SPATA7: variants seen among roughly 807,000 people sequenced by gnomAD.
SPATA7 encodes spermatogenesis-associated protein 7.
SPATA7 carries 43 observed loss-of-function variants against 51.8 expected under a neutral mutation model. That is an observed-to-expected ratio of 0.83 (90% CI 0.65 to 1.07). SPATA7 has a LOEUF of 1.07. Ranked by LOEUF, SPATA7 falls within the 50% of genes least tolerant of loss-of-function variation. The pLI, the probability that SPATA7 is intolerant of heterozygous loss-of-function variation, is 0.00. For synonymous variants in SPATA7, 230 were observed against 252.8 expected (o/e 0.91, Z 0.86); for missense variants, 683 against 701.3 (o/e 0.97, Z 0.30).
downstream of SPATA7, among the ~76,000 whole-genome samples, chr14:88,455,511 A>AGACC (rs1303331171): frequency 6.6e-6 from 1 of 152,234 alleles, no homozygotes; most frequent in Non-Finnish European, 1.5e-5. Flanking sequence ...TGGCAAAAAT[A>AGACC]GACCATATAT....
At chr14:88,425,760 A>G (rs1397708376) in intron 5 of SPATA7, among the ~76,000 whole-genome samples, 1 of 152,154 alleles carries the variant, frequency 6.6e-6, no homozygotes, top group African/African-American at 2.4e-5. Context: ...AGGGCTCCAT[A>G]CATTATGAGG....
intron 3 of SPATA7, 148 bp downstream of exon 3, chr14:88,393,636 T>A: frequency 1.6e-6 from 1 of 619,402 alleles, no homozygotes; most frequent in Non-Finnish European, 2.8e-6. Context: ...AACTATTGAC[T>A]CTAGGTACTT....
At chr14:88,448,239 CT>C (rs2077227634) in intron 3 of SPATA7, among the ~76,000 whole-genome samples, 1 of 152,148 alleles carries the variant, frequency 6.6e-6, no homozygotes. Context: ...TTCATTTCAT[CT>C]TCCATCGCTG....
At chr14:88,457,633 C>T (rs879941211), downstream of SPATA7, among the ~76,000 whole-genome samples, 30 of 152,204 alleles carry the variant, frequency 2.0e-4, no homozygotes, top group East Asian at 4.1e-3. Flanking sequence ...TGGGCTGAGA[C>T]GATGGGGTTT....
At chr14:88,424,140 C>G (rs893414909) in intron 5 of SPATA7, among the ~76,000 whole-genome samples, 34 of 152,086 alleles carry the variant, frequency 2.2e-4, no homozygotes, top group Admixed American at 1.8e-3. Flanking sequence ...ATTGATGAAC[C>G]CTTTTCTGAT....
chr14:88,468,145 G>A (rs1256870182), intron 4 of SPATA7: 10 of 1,613,998 alleles, frequency 6.2e-6, no homozygotes, highest in Non-Finnish European at 7.6e-6. Flanking sequence ...GCTTAGATGA[G>A]CCTGGAGCTT....
chr14:88,413,793 A>G (rs918123002), intron 4 of SPATA7, among the ~76,000 whole-genome samples: 1 of 151,640 alleles, frequency 6.6e-6, no homozygotes, highest in South Asian at 2.1e-4. Flanking sequence ...GGTTTTTGCT[A>G]CATCTGTTGA....
chr14:88,397,768 C>G (rs547006624), intron 4 of SPATA7, among the ~76,000 whole-genome samples: 2 of 152,028 alleles, frequency 1.3e-5, no homozygotes, highest in Non-Finnish European at 1.5e-5. Flanking sequence ...ATTTGAAAAC[C>G]CTGTTTAAAA....
chr14:88,413,357 T>G (rs77889806), intron 4 of SPATA7, among the ~76,000 whole-genome samples: 1 of 152,218 alleles, frequency 6.6e-6, no homozygotes. Flanking sequence ...TTGAATATCA[T>G]TGGTGTATAG....
Position 88,469,115 on chromosome 14 carries a change from C to G in SPATA7, c.255-732C>G. 6.4e-7 allele frequency: 1 copy of G among 1,572,458 alleles called. No individual in the cohort carries two copies. Among genetic ancestry groups the G allele is most frequent in the Non-Finnish European group, 8.7e-7 (1 of 1,151,558 alleles). On this transcript the variant is annotated intron_variant, in intron 4 of 4. Coordinates refer to the SPATA7 transcript ENST00000556406. The surrounding 1 kb of genome is among the most constrained non-coding windows in gnomAD (Gnocchi z 4.3). ...ATGAAATAGAAAAGTACTCAAGGAT[C>G]AAGGCGTATCACATTGTTGACTCAA...
At chr14:88,430,315 C>G (rs1254204138) in intron 8 of SPATA7, among the ~76,000 whole-genome samples, 1 of 152,070 alleles carries the variant, frequency 6.6e-6, no homozygotes, top group African/African-American at 2.4e-5. Context: ...ACTACCCTGT[C>G]TTTGAAATTT....
chr14:88,417,313 T>TA (rs2076509797), intron 5 of SPATA7, among the ~76,000 whole-genome samples: 1 of 143,762 alleles, frequency 7.0e-6, no homozygotes, highest in African/African-American at 2.7e-5. Flanking sequence ...GGTTTTTTTT[T>TA]TTTTATATAT....
chr14:88,437,914 A>ATT lies in SPATA7; in HGVS notation c.1293_1294insTT (p.Asp432LeufsTer6). The ATT allele has an allele frequency of 6.2e-7, 1 of 1,612,150 alleles. No individual in the cohort carries two copies. The highest frequency in any genetic ancestry group is 8.5e-7 in the Non-Finnish European group (1 of 1,178,864). On this transcript the variant is annotated frameshift_variant, in exon 12 of 12. Coordinates refer to ENST00000393545, the MANE Select transcript of SPATA7 (RefSeq NM_018418.5). LOFTEE classifies it low-confidence loss of function (END_TRUNC). ...TCGGAGGAAAACTCGGTAAAGCAAA[A>ATT]TGATGTTGATATGTTGAATGTATTT... is the stretch of plus-strand genomic sequence containing the variant.
intron 5 of SPATA7, among the ~76,000 whole-genome samples, chr14:88,425,862 A>G (rs1191987147): frequency 6.6e-6 from 1 of 152,182 alleles, no homozygotes; most frequent in Non-Finnish European, 1.5e-5. Flanking sequence ...GACAGTGAGG[A>G]TGATGTCACT....
chr14:88,391,104 A>T (rs2075732154), intron 1 of SPATA7, among the ~76,000 whole-genome samples: 1 of 152,154 alleles, frequency 6.6e-6, no homozygotes, highest in African/African-American at 2.4e-5. Context: ...TCCTTGTTAT[A>T]GCTTTTAACA....
intron 4 of SPATA7, chr14:88,466,266 T>C (rs2077361649): frequency 6.6e-6 from 1 of 152,174 alleles, no homozygotes; most frequent in Non-Finnish European, 1.5e-5. Flanking sequence ...ATTTTTTAAT[T>C]TTGTAAAATA....
intron 4 of SPATA7, among the ~76,000 whole-genome samples, chr14:88,465,466 CAAAAAT>C (rs544228865): frequency 7.3e-4 from 111 of 152,168 alleles, no homozygotes; most frequent in Non-Finnish European, 6.9e-4. Flanking sequence ...GACTCCGTCT[CAAAAAT>C]AAAAAATAAA....
intron 4 of SPATA7, among the ~76,000 whole-genome samples, chr14:88,406,500 A>G (rs2076203492): frequency 6.6e-6 from 1 of 151,704 alleles, no homozygotes; most frequent in Admixed American, 6.6e-5. Context: ...TTAAATAAAT[A>G]TATTTACAAA....
At chr14:88,402,066 A>C (rs1212838617) in intron 4 of SPATA7, among the ~76,000 whole-genome samples, 1 of 152,176 alleles carries the variant, frequency 6.6e-6, no homozygotes, top group Non-Finnish European at 1.5e-5. Context: ...AGAAAGGATA[A>C]AATGCTTAGG....
Sources: allele counts gnomAD v4.1 joint callset (sites outside exome capture counted in the v4.1 genomes callset), GRCh38; gene constraint gnomAD v4.1.1; non-coding constraint Gnocchi (gnomAD v3.1); transcripts MANE v1.5; gene names NCBI Gene and HGNC (gene_info 2026-07-23, HGNC 2026-07-21).